Variants in VTI1A observed in about 807,000 individuals in gnomAD.
The protein encoded by VTI1A is vesicle transport through interaction with t-SNAREs homolog 1A.
A neutral mutation model predicts 34.9 loss-of-function variants in VTI1A; 22 were observed. The observed-to-expected ratio is 0.63, with a 90% CI of 0.45 to 0.90. The LOEUF (loss-of-function observed/expected upper bound fraction) is 0.90, where lower values mean the gene tolerates loss of function less well. Among genes scored for constraint, VTI1A ranks in the 40% least tolerant of loss-of-function variants. VTI1A has a pLI of 0.00. For missense variants in VTI1A, 268 were observed against 275.6 expected, an observed-to-expected ratio of 0.97 and a Z score of 0.20; for synonymous variants, 87 against 97.3, an observed-to-expected ratio of 0.89 and a Z score of 0.62.
At chr10:112,525,938 G>A (rs1168530522) in intron 3 of VTI1A, among the ~76,000 whole-genome samples, 1 of 152,076 alleles carries the variant, frequency 6.6e-6, no homozygotes, top group Non-Finnish European at 1.5e-5. Context: ...ATTATTGATA[G>A]TCCTTTTAAA....
At chr10:112,455,855 C>T (rs183018825) in intron 1 of VTI1A, among the ~76,000 whole-genome samples, 3 of 152,096 alleles carry the variant, frequency 2.0e-5, no homozygotes, top group East Asian at 3.9e-4. Flanking sequence ...GTGTTAACTC[C>T]ACCTCTATTC....
rs118094557 is a variant in VTI1A, at chr10:112,581,828, G to A, written c.427+43498G>A. ...GCACCTCCCCTGAAAGGCACTTTAGGTTGATAGTATCACAACCTAATATGT... is the reference window on the plus strand; with the variant it reads ...GCACCTCCCCTGAAAGGCACTTTAGATTGATAGTATCACAACCTAATATGT... On this transcript the variant is annotated intron_variant, in intron 5 of 7. Transcript: ENST00000393077. Among the ~76,000 whole-genome samples the A allele has an allele frequency of 1.8e-4, 28 of 152,280 alleles. 1 individual carries two copies. The East Asian group carries it at 5.2e-3, about 28-fold the overall frequency.
chr10:112,570,645 AT>A (rs1471716241), intron 5 of VTI1A, among the ~76,000 whole-genome samples: 1 of 152,264 alleles, frequency 6.6e-6, no homozygotes, highest in Non-Finnish European at 1.5e-5. Flanking sequence ...TGCTCACGTA[AT>A]AGCCAGAATA....
At position 112,668,255 on chromosome 10, in the gene VTI1A, TG is replaced by T; in HGVS notation, c.466del (p.Asp156ThrfsTer26). Reference sequence around the variant, plus strand: ...AGGAGATGTTGGAAAACCTTAGTCATGACAGAGAAAAGATACAGCGAGCACG... The same window carrying T: ...AGGAGATGTTGGAAAACCTTAGTCATACAGAGAAAAGATACAGCGAGCACG... Reference protein sequence around the residue: ...GQEMLENLSHDREKIQRARER... With the variant: ...GQEMLENLSHXREKIQRARER... On this transcript the variant is annotated frameshift_variant, in exon 6 of 8. Transcript: ENST00000393077. LOFTEE classifies it high-confidence loss of function. 6.2e-7 allele frequency: 1 copy of T among 1,612,644 alleles called. No homozygotes were observed. Among genetic ancestry groups the T allele is most frequent in the South Asian group, 1.1e-5 (1 of 90,988 alleles).
intron 7 of VTI1A, among the ~76,000 whole-genome samples, chr10:112,757,062 G>T (rs890437083): frequency 6.9e-6 from 1 of 145,912 alleles, no homozygotes; most frequent in African/African-American, 2.6e-5. Context: ...AAAAAAAAAA[G>T]ATGCATCATT....
At chr10:112,774,938 T>C (rs1407633233) in intron 7 of VTI1A, among the ~76,000 whole-genome samples, 2 of 152,124 alleles carry the variant, frequency 1.3e-5, no homozygotes, top group Non-Finnish European at 2.9e-5. Context: ...GGCTGACATA[T>C]CCCAGGCTAG....
chr10:112,638,419 AT>A (rs1156329749), intron 5 of VTI1A, among the ~76,000 whole-genome samples: 3 of 152,212 alleles, frequency 2.0e-5, no homozygotes, highest in African/African-American at 7.2e-5. Flanking sequence ...AAGCTAGAAA[AT>A]TTGTAAGCTG....
At chr10:112,775,547 G>A (rs914513975) in intron 7 of VTI1A, among the ~76,000 whole-genome samples, 4 of 152,042 alleles carry the variant, frequency 2.6e-5, no homozygotes, top group African/African-American at 9.7e-5. Flanking sequence ...TGCATTACAA[G>A]TAGGATTCAA....
At position 112,815,446 on chromosome 10, in the gene VTI1A, G is replaced by A; in HGVS notation, c.*63G>A. 7.0e-7 allele frequency: 1 copy of A among 1,418,750 alleles called. No individual in the cohort carries two copies. Among genetic ancestry groups the A allele is most frequent in the South Asian group, 1.2e-5 (1 of 86,398 alleles). The allele number at this position is 1,418,750 out of a possible 1,614,324, so 87.9% of individuals were successfully genotyped here. A position where few individuals can be genotyped will look rare whatever the true frequency, so the allele number is the denominator to read the frequency against. On this transcript the variant is annotated 3_prime_UTR_variant, in exon 8 of 8. Transcript: ENST00000393077. ...TGTTCTGAGTAATTAAGACAAAATGGTCACATGAATCATTCTGTTGCGCTG... is the reference window on the plus strand; with the variant it reads ...TGTTCTGAGTAATTAAGACAAAATGATCACATGAATCATTCTGTTGCGCTG...
rs371583457 is a variant in VTI1A, at chr10:112,682,171, A to G, written c.560+13173A>G. 2.0e-5 allele frequency among the ~76,000 whole-genome samples: 3 copies of G among 152,338 alleles called. No individual in the cohort carries two copies. The East Asian group carries it at 5.8e-4, about 29-fold the overall frequency. ...GGGTTTTTATGTGCCTTGAAATTGC[A>G]TAGATAAAGTATTTTCGAGCTCATG... On this transcript the variant is annotated intron_variant, in intron 7 of 7. Coordinates refer to ENST00000393077, the MANE Select transcript of VTI1A (RefSeq NM_145206.4).
chr10:112,503,188 T>C (rs1589837345), intron 3 of VTI1A, among the ~76,000 whole-genome samples: 1 of 152,200 alleles, frequency 6.6e-6, no homozygotes, highest in African/African-American at 2.4e-5. Flanking sequence ...ATTCTACTGG[T>C]CTATGGAACA....
the VTI1A span, chr10:112,832,234 C>G: frequency 6.6e-6 from 1 of 152,150 alleles, no homozygotes; most frequent in Non-Finnish European, 1.5e-5. Context: ...CCCCCAAAGC[C>G]TTGCACGCTG....
chr10:112,834,540 G>A, the VTI1A span, among the ~76,000 whole-genome samples: 6 of 152,208 alleles, frequency 3.9e-5, no homozygotes, highest in Admixed American at 6.5e-5. Flanking sequence ...CCGCCCAGTG[G>A]ACAGTGCCAC....
At chr10:112,783,202 A>T (rs78236306) in intron 7 of VTI1A, among the ~76,000 whole-genome samples, 2 of 152,218 alleles carry the variant, frequency 1.3e-5, no homozygotes, top group Admixed American at 1.3e-4. Context: ...ATTATGGCCA[A>T]TGTACAATGA....
chr10:112,507,772 C>T (rs986386590), intron 3 of VTI1A, among the ~76,000 whole-genome samples: 2 of 152,150 alleles, frequency 1.3e-5, no homozygotes, highest in African/African-American at 4.8e-5. Context: ...ACCCTATTAC[C>T]TCACTCTGGC....
At chr10:112,585,668 T>C (rs74668960) in intron 5 of VTI1A, among the ~76,000 whole-genome samples, 1 of 149,738 alleles carries the variant, frequency 6.7e-6, no homozygotes, top group Admixed American at 6.6e-5. Context: ...GATTTCTTTT[T>C]TTTTTTTTTT....
At chr10:112,732,924 G>A (rs1256290017) in intron 7 of VTI1A, among the ~76,000 whole-genome samples, 2 of 150,782 alleles carry the variant, frequency 1.3e-5, no homozygotes, top group African/African-American at 5.0e-5. Context: ...ACACAGTAAA[G>A]GTGGATGGTC....
At position 112,791,725 on chromosome 10, in the gene VTI1A, C is replaced by T. The variant is rs1052168683; in HGVS notation, c.561-23565C>T. ...AAGGCAGCCTCCTTTTTTCTTCCCC[C>T]CACAGCACCCCCTCACTTTGGGTAC... On this transcript the variant is annotated intron_variant, in intron 7 of 7. Coordinates refer to ENST00000393077, the MANE Select transcript of VTI1A (RefSeq NM_145206.4). 2.6e-5 allele frequency among the ~76,000 whole-genome samples: 4 copies of T among 151,940 alleles called. No homozygotes were observed. In the South Asian group the frequency reaches 6.2e-4, roughly 24 times the overall value.
At chr10:112,570,154 C>G (rs1852063728) in intron 5 of VTI1A, among the ~76,000 whole-genome samples, 2 of 152,090 alleles carry the variant, frequency 1.3e-5, no homozygotes, top group Admixed American at 6.5e-5. Context: ...GGAACACCAT[C>G]ATATTAAAAT....
Sources: gnomAD v4.1 joint callset for allele counts (sites outside exome capture counted in the v4.1 genomes callset) on GRCh38, gnomAD v4.1.1 for gene constraint, MANE v1.5 for transcripts, NCBI Gene and HGNC (gene_info 2026-07-23, HGNC 2026-07-21) for gene names.